The following CDH18 variants were observed in gnomAD, a reference collection of about 807,000 sequenced individuals.
CDH18 encodes the protein cadherin 18.
CDH18 carries 31 observed loss-of-function variants against 67.9 expected under a neutral mutation model. The ratio of observed to expected loss-of-function variants is 0.46; its 90% CI spans 0.34 to 0.62. The LOEUF (loss-of-function observed/expected upper bound fraction) is 0.62. CDH18 is among the 20% of genes least tolerant of loss of function. The pLI is 0.01. For missense variants in CDH18, 890 were observed against 975.5 expected, an observed-to-expected ratio of 0.91 and a Z score of 1.17; for synonymous variants, 362 against 347.2, an observed-to-expected ratio of 1.04 and a Z score of -0.48.
At chr5:20,308,079 C>CTTTTTT (rs759117114) in intron 1 of CDH18, among the ~76,000 whole-genome samples, 9 of 85,420 alleles carry the variant, frequency 1.1e-4, no homozygotes, top group African/African-American at 3.3e-4. Context: ...AATACTACTG[C>CTTTTTT]TTTTTTTTTT....
chr5:19,942,186 AT>A lies in CDH18; in HGVS notation c.-257+38873del, dbSNP rs1794895685. Among the ~76,000 whole-genome samples, 6 of 152,286 alleles carry A rather than the reference AT, an allele frequency of 3.9e-5. No homozygotes were observed. The South Asian group carries it at 1.2e-3, about 32-fold the overall frequency. On this transcript the variant is annotated intron_variant, in intron 2 of 12. Coordinates refer to ENST00000382275, the MANE Select transcript of CDH18 (RefSeq NM_004934.5). ...GGATGATGTTCCATTCCCAACTAGT[AT>A]TGAAATATCAGGAGGATACAGACAC...
intron 2 of CDH18, among the ~76,000 whole-genome samples, chr5:20,025,709 T>C (rs1469493142): frequency 3.9e-5 from 6 of 152,202 alleles, no homozygotes; most frequent in African/African-American, 1.4e-4. Flanking sequence ...AATACTATAA[T>C]TTTCTCTTAA....
intron 2 of CDH18, among the ~76,000 whole-genome samples, chr5:19,968,892 C>T (rs868151784): frequency 0.053 from 7,184 of 134,362 alleles, 696 homozygotes; most frequent in African/African-American, 0.22. Flanking sequence ...AAACTACCAT[C>T]AGAGTGAACA....
chr5:19,686,057 C>T (rs1761052081), intron 5 of CDH18, among the ~76,000 whole-genome samples: 1 of 152,106 alleles, frequency 6.6e-6, no homozygotes, highest in African/African-American at 2.4e-5. Context: ...GGGTAGTCAA[C>T]TGACAGGATA....
intron 2 of CDH18, among the ~76,000 whole-genome samples, chr5:20,032,827 G>T (rs1004665022): frequency 6.6e-6 from 1 of 151,874 alleles, no homozygotes; most frequent in Non-Finnish European, 1.5e-5. Context: ...TAAAACATCA[G>T]ATGAGTAAAA....
At chr5:20,390,176 G>A (rs1744711585) in intron 1 of CDH18, among the ~76,000 whole-genome samples, 1 of 151,974 alleles carries the variant, frequency 6.6e-6, no homozygotes, top group East Asian at 1.9e-4. Context: ...CACAGCAAAA[G>A]AAACTACTAT....
chr5:20,449,900 T>A (rs1302384132), intron 1 of CDH18, among the ~76,000 whole-genome samples: 2 of 152,126 alleles, frequency 1.3e-5, no homozygotes, highest in Non-Finnish European at 2.9e-5. Flanking sequence ...TTCTGATATA[T>A]TGCCAGGAGT....
chr5:20,117,173 TATCTATCACTG>T (rs1747995203), intron 2 of CDH18, among the ~76,000 whole-genome samples: 1 of 152,150 alleles, frequency 6.6e-6, no homozygotes, highest in Non-Finnish European at 1.5e-5. Flanking sequence ...TAAGCATAAA[TATCTATCACTG>T]GGGCCATCAG....
chr5:19,883,629 T>C (rs183558128), intron 2 of CDH18, among the ~76,000 whole-genome samples: 1 of 152,258 alleles, frequency 6.6e-6, no homozygotes, highest in Admixed American at 6.5e-5. Context: ...TTCAGTATCA[T>C]GTCTTAAATG....
chr5:20,165,480 T>C (rs10066940), intron 2 of CDH18, among the ~76,000 whole-genome samples: 15,464 of 152,046 alleles, frequency 0.1, 1,055 homozygotes, highest in African/African-American at 0.19. Flanking sequence ...TAAGAGTCAA[T>C]GAAGAAAATA....
At chr5:19,651,495 C>G (rs1327496052) in intron 5 of CDH18, among the ~76,000 whole-genome samples, 4 of 151,996 alleles carry the variant, frequency 2.6e-5, no homozygotes. Flanking sequence ...CTATCAGTAT[C>G]AAAAGCATAA....
At chr5:19,490,394 G>GTTTTTTTTTTTTTTTTTTTTTT (rs70950073) in intron 11 of CDH18, among the ~76,000 whole-genome samples, 2 of 60,208 alleles carry the variant, frequency 3.3e-5, no homozygotes, top group African/African-American at 1.3e-4. Flanking sequence ...ATAAAAATCT[G>GTTTTTTTTTTTTTTTTTTTTTT]TTTTTTTTTT....
At chr5:19,803,971 A>T (rs552440620) in intron 3 of CDH18, 2 of 152,160 alleles carry the variant, frequency 1.3e-5, no homozygotes, top group African/African-American at 4.8e-5. Flanking sequence ...AATACAAAAA[A>T]TTAGCTGGGC....
At chr5:19,589,111 A>G (rs1744684688) in intron 7 of CDH18, among the ~76,000 whole-genome samples, 2 of 152,126 alleles carry the variant, frequency 1.3e-5, no homozygotes, top group Admixed American at 1.3e-4. Flanking sequence ...CAGAATATAC[A>G]TTCTCCTCGT....
At chr5:19,904,134 C>A (rs1204704728) in intron 2 of CDH18, among the ~76,000 whole-genome samples, 1 of 151,412 alleles carries the variant, frequency 6.6e-6, no homozygotes, top group Non-Finnish European at 1.5e-5. Flanking sequence ...ATTAGCCAGG[C>A]TTGGTGGCGG....
At chr5:19,696,667 T>C (rs142008597) in intron 5 of CDH18, among the ~76,000 whole-genome samples, 1,690 of 152,218 alleles carry the variant, frequency 0.011, 12 homozygotes, top group Middle Eastern at 0.041. Context: ...GTGCTGGGAT[T>C]ACAAGCGTGA....
At chr5:19,605,898 G>A (rs1747957343) in intron 6 of CDH18, among the ~76,000 whole-genome samples, 1 of 152,022 alleles carries the variant, frequency 6.6e-6, no homozygotes, top group Non-Finnish European at 1.5e-5. Flanking sequence ...CCTCAGGTAA[G>A]TGAGGAAAAA....
chr5:20,490,857 T>C (rs933159009), intron 1 of CDH18, among the ~76,000 whole-genome samples: 5 of 152,172 alleles, frequency 3.3e-5, no homozygotes, highest in African/African-American at 4.8e-5. Flanking sequence ...CTTGTACATA[T>C]TGAAAACTCA....
At chr5:19,738,112 A>G (rs1322735336) in intron 4 of CDH18, among the ~76,000 whole-genome samples, 1 of 152,196 alleles carries the variant, frequency 6.6e-6, no homozygotes, top group Non-Finnish European at 1.5e-5. Flanking sequence ...CATTCTATAC[A>G]TATTTTATTT....
Sources: allele counts gnomAD v4.1 joint callset (sites outside exome capture counted in the v4.1 genomes callset), GRCh38; gene constraint gnomAD v4.1.1; transcripts MANE v1.5; gene names NCBI Gene and HGNC (gene_info 2026-07-23, HGNC 2026-07-21).